Variants in GSE1 observed in about 807,000 individuals in gnomAD.
GSE1 encodes genetic suppressor element 1.
A neutral mutation model predicts 112.6 loss-of-function variants in GSE1; 32 were observed. The observed-to-expected ratio is 0.28, with a 90% CI of 0.21 to 0.38. GSE1 has a LOEUF of 0.38. Ranked by LOEUF, GSE1 falls within the 10% of genes least tolerant of loss-of-function variation. The pLI, the probability that GSE1 is intolerant of heterozygous loss-of-function variation, is 1.00. For synonymous variants in GSE1, 1,115 were observed against 735.6 expected (o/e 1.52, Z -8.35); for missense variants, 2,348 against 1,699.2 (o/e 1.38, Z -6.71).
chr16:85,176,064 C>A (rs527757046), intron 1 of GSE1, among the ~76,000 whole-genome samples: 40 of 152,294 alleles, frequency 2.6e-4, no homozygotes, highest in African/African-American at 8.9e-4. Context: ...TGTGCACTCA[C>A]TGCAGCCTCC....
intron 2 of GSE1, among the ~76,000 whole-genome samples, chr16:85,467,173 G>A (rs1300662425): frequency 6.6e-6 from 1 of 152,196 alleles, no homozygotes. Flanking sequence ...GTGGGCACCC[G>A]CGTCTTCACC....
chr16:85,447,022 C>A (rs1415279515), intron 2 of GSE1, among the ~76,000 whole-genome samples: 1 of 152,184 alleles, frequency 6.6e-6, no homozygotes, highest in Non-Finnish European at 1.5e-5. Context: ...ACGCCTTGAG[C>A]TGAGCCTCTA....
intron 1 of GSE1, among the ~76,000 whole-genome samples, chr16:85,182,910 C>T (rs923098168): frequency 6.6e-6 from 1 of 152,066 alleles, no homozygotes; most frequent in Non-Finnish European, 1.5e-5. Context: ...CACACACGCA[C>T]CTTGCACCTC....
At chr16:85,412,922 C>G (rs1354160875) in intron 2 of GSE1, among the ~76,000 whole-genome samples, 3 of 151,938 alleles carry the variant, frequency 2.0e-5, no homozygotes, top group African/African-American at 7.2e-5. Context: ...ACCCCAGCCC[C>G]TGTGTGACTG....
chr16:85,289,177 T>C (rs980961822), intron 1 of GSE1, among the ~76,000 whole-genome samples: 3 of 152,178 alleles, frequency 2.0e-5, no homozygotes, highest in African/African-American at 7.2e-5. Context: ...AAAGCTCATA[T>C]ACAAACAGGC....
chr16:85,293,611 G>A (rs543228438), intron 1 of GSE1, among the ~76,000 whole-genome samples: 1 of 152,260 alleles, frequency 6.6e-6, no homozygotes, highest in African/African-American at 2.4e-5. Context: ...TCACAGTTCT[G>A]GAGATCCGAA....
At chr16:85,299,173 G>A (rs989500088) in intron 1 of GSE1, among the ~76,000 whole-genome samples, 2 of 152,192 alleles carry the variant, frequency 1.3e-5, no homozygotes, top group Admixed American at 6.5e-5. Flanking sequence ...CTTTTTCGGG[G>A]AAAATACATT....
chr16:85,256,924 C>G (rs9936970), intron 1 of GSE1, among the ~76,000 whole-genome samples: 31,899 of 152,224 alleles, frequency 0.21, 5,364 homozygotes, highest in African/African-American at 0.47. Flanking sequence ...TGTGGCCGGT[C>G]TCCACTGCAT....
intron 2 of GSE1, among the ~76,000 whole-genome samples, chr16:85,400,984 C>A (rs1407241308): frequency 6.6e-6 from 1 of 152,142 alleles, no homozygotes; most frequent in Non-Finnish European, 1.5e-5. Flanking sequence ...AGGCAGCCGG[C>A]AAGGTTGGTT....
intron 1 of GSE1, among the ~76,000 whole-genome samples, chr16:85,560,173 CTT>C (rs1208014379): frequency 3.5e-5 from 4 of 114,232 alleles, no homozygotes; most frequent in Admixed American, 1.3e-4. Flanking sequence ...GTCTCTCTCT[CTT>C]GCCAGGCTCG....
intron 2 of GSE1, among the ~76,000 whole-genome samples, chr16:85,521,921 G>T (rs557863555): frequency 9.2e-5 from 14 of 152,258 alleles, no homozygotes; most frequent in Non-Finnish European, 1.8e-4. Flanking sequence ...TCCCGTGACA[G>T]AGCGTGCCAG....
chr16:85,212,847 G>A (rs562732764), intron 1 of GSE1, among the ~76,000 whole-genome samples: 2 of 152,304 alleles, frequency 1.3e-5, no homozygotes, highest in African/African-American at 4.8e-5. Flanking sequence ...ACAAACTGTA[G>A]CTGGGTGTGG....
At chr16:85,576,038 G>A (rs1205935485) in intron 1 of GSE1, among the ~76,000 whole-genome samples, 3 of 152,030 alleles carry the variant, frequency 2.0e-5, no homozygotes, top group African/African-American at 7.2e-5. Flanking sequence ...CTTATCCTGG[G>A]CCCTGCTTAA....
intron 1 of GSE1, among the ~76,000 whole-genome samples, chr16:85,620,414 C>T (rs1380771585): frequency 2.0e-5 from 3 of 152,220 alleles, no homozygotes; most frequent in African/African-American, 7.2e-5. Flanking sequence ...TTGCATTTGA[C>T]ATGTGGTATT....
chr16:85,527,371 G>A (rs1224375177), intron 2 of GSE1, among the ~76,000 whole-genome samples: 1 of 152,264 alleles, frequency 6.6e-6, no homozygotes, highest in South Asian at 2.1e-4. Flanking sequence ...GAAGAGGTTC[G>A]CCCTCAGAAG....
At chr16:85,556,827 G>T (rs558243812) in intron 1 of GSE1, among the ~76,000 whole-genome samples, 2 of 149,888 alleles carry the variant, frequency 1.3e-5, no homozygotes, top group Admixed American at 6.6e-5. Context: ...GCGCGAGCGT[G>T]GCTCGCCGGC....
At chr16:85,588,849 G>C (rs1026857148) in intron 1 of GSE1, among the ~76,000 whole-genome samples, 4 of 152,124 alleles carry the variant, frequency 2.6e-5, no homozygotes, top group African/African-American at 4.8e-5. Flanking sequence ...TCCCAAAACG[G>C]CCCTCGGCCT....
At chr16:85,241,294 G>A (rs74031739) in intron 1 of GSE1, among the ~76,000 whole-genome samples, 27,360 of 152,204 alleles carry the variant, frequency 0.18, 2,772 homozygotes, top group East Asian at 0.24. Context: ...GTGAGGAGTC[G>A]GTGCTGGGGC....
Position 85,229,254 on chromosome 16 carries a change from G to A in GSE1, c.2283+57447G>A, listed in dbSNP as rs190914171. On this transcript the variant is annotated intron_variant, in intron 1 of 2. Coordinates refer to the GSE1 transcript ENST00000637419. The stretch of plus-strand genomic sequence containing the variant: ...GTGGCAGCCATGTCGGGTTGAGGGG[G>A]TGGCCCTCCCTGCAGTCAGCGGCAG... Among the ~76,000 whole-genome samples, 155 of 152,334 alleles carry A rather than the reference G, an allele frequency of 1.0e-3. 1 individual carries two copies. Among genetic ancestry groups the A allele is most frequent in the Non-Finnish European group, 3.8e-4 (26 of 68,030 alleles).
Sources: gnomAD v4.1 joint callset for allele counts (sites outside exome capture counted in the v4.1 genomes callset) on GRCh38, gnomAD v4.1.1 for gene constraint, MANE v1.5 for transcripts, NCBI Gene and HGNC (gene_info 2026-07-23, HGNC 2026-07-21) for gene names.